Variants in GPM6A observed in about 807,000 individuals in gnomAD.
GPM6A encodes the protein glycoprotein M6A, also known as neuronal membrane glycoprotein M6-a.
In GPM6A, 7 loss-of-function variants were observed where a neutral mutation model predicts 32.1. That is an observed-to-expected ratio of 0.22 (90% CI 0.12 to 0.41). The LOEUF (loss-of-function observed/expected upper bound fraction) is 0.41. Ranked by LOEUF, GPM6A falls within the 10% of genes least tolerant of loss-of-function variation. The probability of loss-of-function intolerance (pLI) is 1.00; values close to 1 mark genes in which losing one functional copy is unlikely to be tolerated. For missense variants in GPM6A, 235 were observed against 347.2 expected (o/e 0.68, Z 2.57); for synonymous variants, 130 against 123.4 (o/e 1.05, Z -0.35).
At chr4:175,904,944 C>T (rs200192600) in intron 1 of GPM6A, among the ~76,000 whole-genome samples, 25 of 152,224 alleles carry the variant, frequency 1.6e-4, no homozygotes, top group Middle Eastern at 3.4e-3. Context: ...CCTCTACCCT[C>T]GTAAGTTCAG....
At chr4:175,779,471 T>C (rs1733527893) in intron 1 of GPM6A, among the ~76,000 whole-genome samples, 1 of 152,198 alleles carries the variant, frequency 6.6e-6, no homozygotes. Context: ...ATAGCATTCA[T>C]GTGGTTTCCA....
At chr4:175,836,384 G>A (rs1165149519) in intron 1 of GPM6A, among the ~76,000 whole-genome samples, 1 of 152,098 alleles carries the variant, frequency 6.6e-6, no homozygotes, top group Non-Finnish European at 1.5e-5. Flanking sequence ...AGAGCAAAGA[G>A]TAAACTAAAG....
At chr4:175,802,335 T>C (rs916059368) in intron 1 of GPM6A, among the ~76,000 whole-genome samples, 4 of 152,020 alleles carry the variant, frequency 2.6e-5, no homozygotes, top group African/African-American at 9.7e-5. Flanking sequence ...AAAAACTTAG[T>C]ACACCAAAAT....
chr4:175,842,160 T>A (rs1356739775), intron 1 of GPM6A, among the ~76,000 whole-genome samples: 1 of 152,130 alleles, frequency 6.6e-6, no homozygotes, highest in Admixed American at 6.6e-5. Flanking sequence ...GTAACAGCAA[T>A]TTTTTTGTAC....
At chr4:175,650,273 TA>T (rs1240393576) in intron 4 of GPM6A, among the ~76,000 whole-genome samples, 20 of 4,932 alleles carry the variant, frequency 4.1e-3, no homozygotes, top group African/African-American at 4.4e-3. Context: ...TTCATTATTT[TA>T]TTTATTTATT....
At chr4:175,736,140 C>G (rs574496811) in intron 1 of GPM6A, among the ~76,000 whole-genome samples, 1 of 152,240 alleles carries the variant, frequency 6.6e-6, no homozygotes, top group South Asian at 2.1e-4. Context: ...ATCCTCCAAC[C>G]TCAGCCTTCC....
intron 3 of GPM6A, among the ~76,000 whole-genome samples, chr4:175,667,437 G>A (rs993048219): frequency 4.6e-5 from 7 of 152,250 alleles, no homozygotes; most frequent in South Asian, 2.1e-4. Context: ...CTTAGAAAAT[G>A]TTGTAGTTCT....
chr4:175,957,608 A>C (rs1740029695), intron 1 of GPM6A, among the ~76,000 whole-genome samples: 1 of 152,148 alleles, frequency 6.6e-6, no homozygotes, highest in Non-Finnish European at 1.5e-5. Context: ...GAAATACGTA[A>C]TGTAGATGAC....
At chr4:175,641,503 T>C (rs1308999161) in intron 4 of GPM6A, 2 of 152,024 alleles carry the variant, frequency 1.3e-5, no homozygotes, top group Admixed American at 6.6e-5. Flanking sequence ...GCACGCCTCT[T>C]TGTCTCATCT....
chr4:175,897,367 C>T (rs1167388587), intron 1 of GPM6A, among the ~76,000 whole-genome samples: 1 of 152,106 alleles, frequency 6.6e-6, no homozygotes, highest in African/African-American at 2.4e-5. Context: ...TCCAGTGCCT[C>T]CCATTGATGG....
chr4:175,781,638 C>T lies in GPM6A; in HGVS notation c.37+30553G>A, dbSNP rs192316652. Among the ~76,000 whole-genome samples the T allele has an allele frequency of 2.5e-3, 379 of 152,272 alleles. 2 individuals are homozygous for T. Among genetic ancestry groups the T allele is most frequent in the African/African-American group, 8.5e-3 (353 of 41,552 alleles). On this transcript the variant is annotated intron_variant, in intron 1 of 6. Transcript: ENST00000393658. ...TGCCTCTGATTTCCTGCACTTGAAA[C>T]CTTTAACTAGTGTCTCTATGCAGAT...
At chr4:175,949,556 G>C (rs1468646190) in intron 1 of GPM6A, among the ~76,000 whole-genome samples, 1 of 150,000 alleles carries the variant, frequency 6.7e-6, no homozygotes, top group Non-Finnish European at 1.5e-5. Context: ...ATATGAGTTT[G>C]TTTGATTTTT....
intron 1 of GPM6A, among the ~76,000 whole-genome samples, chr4:175,965,755 A>G (rs1394197469): frequency 6.6e-6 from 1 of 151,936 alleles, no homozygotes; most frequent in African/African-American, 2.4e-5. Context: ...CTGGGATTAC[A>G]GGCATGTGGT....
chr4:175,671,702 G>C (rs937775025), intron 3 of GPM6A, among the ~76,000 whole-genome samples: 1 of 152,098 alleles, frequency 6.6e-6, no homozygotes, highest in Non-Finnish European at 1.5e-5. Context: ...CTTCTCAGTC[G>C]TGGAGCTAGC....
chr4:175,921,744 G>T (rs532024490), intron 1 of GPM6A, among the ~76,000 whole-genome samples: 1 of 152,246 alleles, frequency 6.6e-6, no homozygotes, highest in Non-Finnish European at 1.5e-5. Context: ...CCATCACCTT[G>T]TTTGCTGCAC....
chr4:175,859,343 G>A (rs2111416909), intron 1 of GPM6A, among the ~76,000 whole-genome samples: 1 of 152,272 alleles, frequency 6.6e-6, no homozygotes, highest in Non-Finnish European at 1.5e-5. Flanking sequence ...TCAGAGGCTG[G>A]AGCCTTAAAG....
intron 1 of GPM6A, among the ~76,000 whole-genome samples, chr4:175,728,308 T>C (rs892956259): frequency 8.6e-5 from 13 of 152,024 alleles, no homozygotes; most frequent in Non-Finnish European, 1.8e-4. Flanking sequence ...CATCACCAAA[T>C]AAAATTTAAA....
chr4:175,660,181 C>T (rs746644300), intron 3 of GPM6A, among the ~76,000 whole-genome samples: 16 of 151,958 alleles, frequency 1.1e-4, no homozygotes, highest in Middle Eastern at 3.2e-3. Context: ...AGGTGGATCA[C>T]GAGGTCAGGA....
At chr4:175,866,370 T>A (rs1292512492) in intron 1 of GPM6A, among the ~76,000 whole-genome samples, 1 of 152,156 alleles carries the variant, frequency 6.6e-6, no homozygotes, top group African/African-American at 2.4e-5. Flanking sequence ...GACACATACC[T>A]ATCGTTAGAG....
Sources: gnomAD v4.1 joint callset for allele counts (sites outside exome capture counted in the v4.1 genomes callset) on GRCh38, gnomAD v4.1.1 for gene constraint, MANE v1.5 for transcripts, NCBI Gene and HGNC (gene_info 2026-07-23, HGNC 2026-07-21) for gene names.